DSCAM: variants seen among roughly 807,000 people sequenced by gnomAD.
DSCAM encodes the protein DS cell adhesion molecule, also known as cell adhesion molecule DSCAM.
DSCAM carries 47 observed loss-of-function variants against 217.7 expected under a neutral mutation model. The observed-to-expected ratio is 0.22, with a 90% CI of 0.17 to 0.28. DSCAM has a LOEUF of 0.28. Among genes scored for constraint, DSCAM ranks in the 10% least tolerant of loss-of-function variants. The pLI is 1.00. For missense variants in DSCAM, 2,080 were observed against 2,618.3 expected (o/e 0.79, Z 4.49); for synonymous variants, 1,056 against 1,015.3 (o/e 1.04, Z -0.76).
At chr21:40,359,133 T>C (rs1398127851) in intron 4 of DSCAM, among the ~76,000 whole-genome samples, 2 of 152,172 alleles carry the variant, frequency 1.3e-5, no homozygotes, top group Non-Finnish European at 2.9e-5. Context: ...ACAATGCTGG[T>C]GAAGATATGG....
intron 32 of DSCAM, among the ~76,000 whole-genome samples, chr21:40,027,137 G>A (rs1415312021): frequency 5.3e-4 from 80 of 152,010 alleles, no homozygotes; most frequent in African/African-American, 1.8e-3. Flanking sequence ...CACTTATGAA[G>A]CTTAGTTTGG....
intron 32 of DSCAM, among the ~76,000 whole-genome samples, chr21:40,026,317 G>A (rs1601240297): frequency 1.4e-5 from 2 of 142,126 alleles, no homozygotes; most frequent in East Asian, 2.0e-4. Flanking sequence ...TGGAATAGGT[G>A]TGGTGTGGTG....
At chr21:40,030,671 C>T (rs146530991) in intron 32 of DSCAM, among the ~76,000 whole-genome samples, 4 of 152,314 alleles carry the variant, frequency 2.6e-5, no homozygotes, top group Admixed American at 6.5e-5. Context: ...CTGCTGTTCA[C>T]GCCCACTCGA....
chr21:40,779,155 A>G (rs758203414), intron 1 of DSCAM, among the ~76,000 whole-genome samples: 1 of 151,796 alleles, frequency 6.6e-6, no homozygotes, highest in African/African-American at 2.4e-5. Context: ...ACTATATTAG[A>G]CTTTTGACTT....
chr21:40,845,540 C>CCTCTCTCTCTCTCTCTCTCTCTCT (rs71332310), intron 1 of DSCAM, among the ~76,000 whole-genome samples: 71 of 138,956 alleles, frequency 5.1e-4, no homozygotes, highest in African/African-American at 1.5e-3. Context: ...CTCTTCTTCT[C>CCTCTCTCTCTCTCTCTCTCTCTCT]CTCTCTCTCT....
At chr21:40,455,926 C>T (rs182628498) in intron 3 of DSCAM, among the ~76,000 whole-genome samples, 3 of 152,212 alleles carry the variant, frequency 2.0e-5, no homozygotes, top group East Asian at 3.9e-4. Flanking sequence ...ATCTGCATAA[C>T]TGGTGTGCTC....
chr21:40,151,922 T>G (rs769949579), intron 16 of DSCAM, among the ~76,000 whole-genome samples: 19 of 152,158 alleles, frequency 1.2e-4, no homozygotes, highest in Non-Finnish European at 2.6e-4. Context: ...GATGAGCCAA[T>G]TTATTTGGAC....
chr21:40,218,551 C>G (rs77320680), intron 11 of DSCAM, among the ~76,000 whole-genome samples: 2,590 of 152,032 alleles, frequency 0.017, 66 homozygotes, highest in African/African-American at 0.057. Flanking sequence ...AGTTTGATAG[C>G]TATAGCACTG....
At chr21:40,395,455 G>A (rs948354375) in intron 3 of DSCAM, among the ~76,000 whole-genome samples, 2 of 151,660 alleles carry the variant, frequency 1.3e-5, no homozygotes, top group Admixed American at 6.6e-5. Flanking sequence ...AGGCTAAAAG[G>A]GTTGAGAGCA....
chr21:40,511,472 G>A (rs558013234), intron 3 of DSCAM, among the ~76,000 whole-genome samples: 2 of 152,288 alleles, frequency 1.3e-5, no homozygotes, highest in Admixed American at 1.3e-4. Flanking sequence ...TATTCAAAAT[G>A]AATGTGATTG....
At chr21:40,504,691 T>C (rs2146043228) in intron 3 of DSCAM, among the ~76,000 whole-genome samples, 1 of 152,288 alleles carries the variant, frequency 6.6e-6, no homozygotes, top group African/African-American at 2.4e-5. Context: ...CTATCCATCC[T>C]GTGTTCCAAT....
chr21:40,128,368 G>A (rs1005550977), intron 19 of DSCAM, among the ~76,000 whole-genome samples: 1 of 151,760 alleles, frequency 6.6e-6, no homozygotes, highest in Non-Finnish European at 1.5e-5. Context: ...CCCTTGAATG[G>A]GTGTGGCATC....
intron 10 of DSCAM, among the ~76,000 whole-genome samples, chr21:40,294,578 G>A (rs1429057165): frequency 6.6e-6 from 1 of 152,098 alleles, no homozygotes; most frequent in African/African-American, 2.4e-5. Context: ...ATACAGGAGT[G>A]TTCATTTGCT....
At chr21:40,791,429 C>T (rs1601265114) in intron 1 of DSCAM, among the ~76,000 whole-genome samples, 3 of 151,610 alleles carry the variant, frequency 2.0e-5, no homozygotes, top group Admixed American at 6.6e-5. Flanking sequence ...CTGAGGCGGG[C>T]GGATCACGAG....
At chr21:40,463,334 C>T (rs1426146217) in intron 3 of DSCAM, among the ~76,000 whole-genome samples, 1 of 152,094 alleles carries the variant, frequency 6.6e-6, no homozygotes, top group Non-Finnish European at 1.5e-5. Flanking sequence ...AACAACTATG[C>T]CCAGTGCCCT....
chr21:40,405,114 C>A (rs1215567514), intron 3 of DSCAM, among the ~76,000 whole-genome samples: 7 of 151,924 alleles, frequency 4.6e-5, no homozygotes, highest in African/African-American at 9.7e-5. Context: ...CCCATGGCCC[C>A]CAGGAACTGA....
In DSCAM at chr21:40,032,144, C is replaced by T. The variant is rs185704423; in HGVS notation, c.5686+10227G>A. On this transcript the variant is annotated intron_variant, in intron 32 of 32. Transcript: ENST00000400454. Reference sequence around the variant, plus strand: ...CTTCATGGCAGAACAAGGCCAAGCCCCCAGCTAGGGTTCTGCTTCAGGTGG... The same window carrying T: ...CTTCATGGCAGAACAAGGCCAAGCCTCCAGCTAGGGTTCTGCTTCAGGTGG... 3.1e-3 allele frequency among the ~76,000 whole-genome samples: 467 copies of T among 152,296 alleles called. 5 individuals carry two copies. The highest frequency in any genetic ancestry group is 0.011 in the African/African-American group (456 of 41,580).
chr21:40,261,600 C>T (rs1387448717), intron 11 of DSCAM, among the ~76,000 whole-genome samples: 1 of 150,382 alleles, frequency 6.6e-6, no homozygotes, highest in Non-Finnish European at 1.5e-5. Flanking sequence ...TTCTTAGCAT[C>T]CATAATCATG....
At chr21:40,074,917 A>C in intron 27 of DSCAM, 120 bp downstream of exon 27, 2 of 1,020,604 alleles carry the variant, frequency 2.0e-6, no homozygotes, top group Non-Finnish European at 1.4e-6. Context: ...CAGTGGAGGG[A>C]CCTGGGTTAA....
Sources: allele counts gnomAD v4.1 joint callset (sites outside exome capture counted in the v4.1 genomes callset), GRCh38; gene constraint gnomAD v4.1.1; transcripts MANE v1.5; gene names NCBI Gene and HGNC (gene_info 2026-07-23, HGNC 2026-07-21).